DDX1: variants seen among roughly 807,000 people sequenced by gnomAD.
DDX1 encodes the protein ATP-dependent RNA helicase DDX1.
Under a neutral mutation model 108.7 loss-of-function variants are expected in DDX1, and 28 were observed. That is an observed-to-expected ratio of 0.26 (90% CI 0.19 to 0.35). The LOEUF is 0.35. Ranked by LOEUF, DDX1 falls within the 10% of genes least tolerant of loss-of-function variation. The probability of loss-of-function intolerance (pLI) is 1.00; values close to 1 mark genes in which losing one functional copy is unlikely to be tolerated. For synonymous variants in DDX1, 295 were observed against 288.9 expected (o/e 1.02, Z -0.21); for missense variants, 710 against 884.5 (o/e 0.80, Z 2.50).
chr2:15,601,602 C>T (rs1665590150), intron 6 of DDX1, among the ~76,000 whole-genome samples: 2 of 152,196 alleles, frequency 1.3e-5, no homozygotes, highest in Admixed American at 1.3e-4. Context: ...GGGCTTGGAG[C>T]TTCTCCCCTC....
chr2:15,603,171 C>T (rs1665613272), intron 7 of DDX1, 21 bp from the exon 8 acceptor site: 1 of 1,503,574 alleles, frequency 6.7e-7, no homozygotes, highest in Non-Finnish European at 9.2e-7. Context: ...ATATAAATCT[C>T]AATGTATTTT....
At chr2:15,592,747 T>C (rs990082954) in intron 1 of DDX1, among the ~76,000 whole-genome samples, 11 of 152,226 alleles carry the variant, frequency 7.2e-5, no homozygotes, top group Non-Finnish European at 1.0e-4. Flanking sequence ...GTAGCACTTA[T>C]GTAACGTTTA....
intron 16 of DDX1, among the ~76,000 whole-genome samples, chr2:15,618,565 G>A (rs1665939214): frequency 1.3e-5 from 2 of 152,242 alleles, no homozygotes; most frequent in Non-Finnish European, 2.9e-5. Flanking sequence ...CGGCAGGGCG[G>A]GTAGCTCCAG....
intron 13 of DDX1, among the ~76,000 whole-genome samples, chr2:15,611,092 G>C (rs1262231901): frequency 6.7e-6 from 1 of 149,634 alleles, no homozygotes; most frequent in Non-Finnish European, 1.5e-5. Context: ...GACTCTTAAC[G>C]AGCATGCTGC....
intron 18 of DDX1, among the ~76,000 whole-genome samples, chr2:15,621,725 T>A (rs1304366432): frequency 6.6e-6 from 1 of 151,792 alleles, no homozygotes; most frequent in Non-Finnish European, 1.5e-5. Flanking sequence ...CGATTTTGGC[T>A]CACCACAACC....
intron 19 of DDX1, among the ~76,000 whole-genome samples, chr2:15,624,831 A>C (rs577451487): frequency 1.3e-5 from 2 of 152,314 alleles, no homozygotes; most frequent in East Asian, 1.9e-4. Context: ...GAGCAACTGC[A>C]TACAGTTGTT....
At chr2:15,605,505 T>C (rs185952848) in intron 10 of DDX1, among the ~76,000 whole-genome samples, 1 of 152,194 alleles carries the variant, frequency 6.6e-6, no homozygotes, top group East Asian at 1.9e-4. Context: ...GAGAGCTGTT[T>C]TGGTGGAGCA....
At chr2:15,605,709 G>A (rs1267369960) in intron 10 of DDX1, among the ~76,000 whole-genome samples, 2 of 152,152 alleles carry the variant, frequency 1.3e-5, no homozygotes, top group Admixed American at 1.3e-4. Context: ...ATGTTTATAT[G>A]CTTTGAAATG....
At chr2:15,599,637 G>A in intron 5 of DDX1, 32 bp from the exon 6 acceptor site, 2 of 1,558,792 alleles carry the variant, frequency 1.3e-6, no homozygotes, top group South Asian at 1.2e-5. Context: ...TTATATATCT[G>A]TGGGTAACTT....
At position 15,630,040 on chromosome 2, in the gene DDX1, G is replaced by A. The variant is rs763884557; in HGVS notation, c.2022G>A (p.Glu674=). ...TGAACTGTACCATTTCTCAGGTTGA[G>A]CCGGATATAAAGGTACCAGTGGATG... ...EHLNCTISQV[E]PDIKVPVDEF... Residue 674 remains glutamate (E), a synonymous_variant, in exon 25 of 26, where the codon GAG becomes GAA. Coordinates refer to ENST00000233084, the MANE Select transcript of DDX1 (RefSeq NM_004939.3). 10 of 1,613,158 alleles carry A rather than the reference G, an allele frequency of 6.2e-6. No homozygotes were observed. The highest frequency in any genetic ancestry group is 2.2e-5 in the South Asian group (2 of 90,930).
chr2:15,619,092 C>T (rs1329181724), intron 16 of DDX1, among the ~76,000 whole-genome samples: 1 of 152,144 alleles, frequency 6.6e-6, no homozygotes, highest in Admixed American at 6.5e-5. Context: ...TGGTGGAGCT[C>T]CTGCCTGCCC....
intron 13 of DDX1, among the ~76,000 whole-genome samples, chr2:15,608,517 G>T (rs1310265661): frequency 2.1e-5 from 3 of 143,068 alleles, no homozygotes; most frequent in African/African-American, 7.7e-5. Flanking sequence ...AACAGAGTAA[G>T]ACTCCGTCTC....
chr2:15,611,879 T>C (rs1193723071), intron 13 of DDX1, among the ~76,000 whole-genome samples: 58 of 29,108 alleles, frequency 2.0e-3, no homozygotes, highest in East Asian at 4.1e-3. Context: ...GAGGCGCCCC[T>C]CACCTCCCGG....
intron 14 of DDX1, among the ~76,000 whole-genome samples, chr2:15,614,439 A>G (rs1397831143): frequency 6.6e-6 from 1 of 152,104 alleles, no homozygotes; most frequent in Non-Finnish European, 1.5e-5. Context: ...TATTGCTTTG[A>G]TATGTTTTTA....
intron 13 of DDX1, among the ~76,000 whole-genome samples, chr2:15,610,581 C>T (rs1358610816): frequency 6.6e-6 from 1 of 152,198 alleles, no homozygotes; most frequent in Admixed American, 6.5e-5. Context: ...TCACTCCTTT[C>T]CCCAATTTCT....
intron 8 of DDX1, 67 bp downstream of exon 8, chr2:15,603,342 G>C: frequency 9.3e-7 from 1 of 1,078,772 alleles, no homozygotes; most frequent in Non-Finnish European, 1.4e-6. Flanking sequence ...ATTATTTGGG[G>C]AAGCAAAATA....
In DDX1 at chr2:15,628,658, G is replaced by T. The variant is rs759875462; in HGVS notation, c.1780G>T (p.Asp594Tyr). 7 of 1,612,498 alleles carry T rather than the reference G, an allele frequency of 4.3e-6. No homozygotes were observed. The South Asian group carries it at 7.7e-5, about 18-fold the overall frequency. Residue 594 changes from aspartate (D) to tyrosine (Y), a missense_variant, in exon 22 of 26, where the codon GAT becomes TAT. Transcript: ENST00000233084. ...TATAGTTATAAATGTCACTCTGCCCGATGAAAAGCAAAACTACGTACATCG... is the reference window on the plus strand; with the variant it reads ...TATAGTTATAAATGTCACTCTGCCCTATGAAAAGCAAAACTACGTACATCG... Reference protein sequence around the residue: ...VPYVINVTLPDEKQNYVHRIG... With the variant: ...VPYVINVTLPYEKQNYVHRIG...
chr2:15,613,099 G>A, intron 13 of DDX1, 125 bp from the exon 14 acceptor site: 1 of 651,914 alleles, frequency 1.5e-6, no homozygotes, highest in South Asian at 2.4e-5. Context: ...TTTTATTGTA[G>A]GCTTTTTTCC....
chr2:15,628,713 A>G lies in DDX1; in HGVS notation c.1832+3A>G, dbSNP rs1461606956. 2.5e-6 allele frequency: 4 copies of G among 1,606,452 alleles called. No homozygotes were observed. Among genetic ancestry groups the G allele is most frequent in the Non-Finnish European group, 2.5e-6 (3 of 1,178,726 alleles). ...GGCAGAGTAGGAAGAGCTGAAAGGTACTTCTGCAATTTTTTTTCCCCCATT... is the reference window on the plus strand; with the variant it reads ...GGCAGAGTAGGAAGAGCTGAAAGGTGCTTCTGCAATTTTTTTTCCCCCATT... On this transcript the variant is annotated splice_donor_region_variant and intron_variant, in intron 22 of 25. Transcript: ENST00000233084.
Sources: gnomAD v4.1 joint callset for allele counts (sites outside exome capture counted in the v4.1 genomes callset) on GRCh38, gnomAD v4.1.1 for gene constraint, MANE v1.5 for transcripts, NCBI Gene and HGNC (gene_info 2026-07-23, HGNC 2026-07-21) for gene names.